SGCZ: variants seen among roughly 807,000 people sequenced by gnomAD.
SGCZ encodes sarcoglycan zeta.
Under a neutral mutation model 41.3 loss-of-function variants are expected in SGCZ, and 40 were observed. That is an observed-to-expected ratio of 0.97 (90% CI 0.75 to 1.26). The LOEUF (loss-of-function observed/expected upper bound fraction) is 1.26. SGCZ is among the 50% of genes most tolerant of loss of function. The pLI is 0.00. For synonymous variants in SGCZ, 206 were observed against 137.5 expected (o/e 1.50, Z -3.49); for missense variants, 552 against 369.8 (o/e 1.49, Z -4.04).
At chr8:14,880,001 C>T (rs529682203) in intron 1 of SGCZ, among the ~76,000 whole-genome samples, 13 of 152,068 alleles carry the variant, frequency 8.5e-5, no homozygotes, top group Admixed American at 2.6e-4. Flanking sequence ...CCACCACACC[C>T]GGCTAAGTTT....
At position 14,546,749 on chromosome 8, in the gene SGCZ, G is replaced by T. The variant is rs139787321; in HGVS notation, c.234+7983C>A. On this transcript the variant is annotated intron_variant, in intron 2 of 7. Transcript: ENST00000382080. ...TAATGGTGTTATATGAAAGCACGGAGTTATACCATGTAAAGGAAGTAAACC... is the reference window on the plus strand; with the variant it reads ...TAATGGTGTTATATGAAAGCACGGATTTATACCATGTAAAGGAAGTAAACC... 5.2e-4 allele frequency among the ~76,000 whole-genome samples: 79 copies of T among 152,218 alleles called. No individual in the cohort carries two copies. The East Asian group carries it at 0.015, about 28-fold the overall frequency.
chr8:14,576,224 G>A (rs923511178), intron 1 of SGCZ, among the ~76,000 whole-genome samples: 3 of 152,036 alleles, frequency 2.0e-5, no homozygotes, highest in Non-Finnish European at 4.4e-5. Context: ...TGTCTATGTC[G>A]GCATATTGAA....
intron 2 of SGCZ, among the ~76,000 whole-genome samples, chr8:14,406,854 A>C (rs1199600547): frequency 6.6e-6 from 1 of 152,096 alleles, no homozygotes; most frequent in Non-Finnish European, 1.5e-5. Flanking sequence ...GTTCTGTGAA[A>C]ACTGCGTATA....
Position 15,075,770 on chromosome 8 carries a change from T to G in SGCZ, c.39+161815A>C, listed in dbSNP as rs541676247. ...TGCCAAAGAGACAAATCCTTCTAATTTTTCACATATATTGGTAATTTGAGA... is the reference window on the plus strand; with the variant it reads ...TGCCAAAGAGACAAATCCTTCTAATGTTTCACATATATTGGTAATTTGAGA... On this transcript the variant is annotated intron_variant, in intron 1 of 7. Transcript: ENST00000382080. Among the ~76,000 whole-genome samples, 10 of 152,296 alleles carry G rather than the reference T, an allele frequency of 6.6e-5. 1 individual carries two copies. In the South Asian group the frequency reaches 2.1e-3, roughly 32 times the overall value.
chr8:14,427,068 G>GAA (rs1799806573), intron 2 of SGCZ, among the ~76,000 whole-genome samples: 7 of 90,646 alleles, frequency 7.7e-5, no homozygotes, highest in East Asian at 2.3e-4. Flanking sequence ...GAATGAATGA[G>GAA]TGAATGAACG....
intron 2 of SGCZ, among the ~76,000 whole-genome samples, chr8:14,436,002 A>C (rs1175934267): frequency 1.3e-5 from 2 of 152,226 alleles, no homozygotes; most frequent in African/African-American, 4.8e-5. Context: ...GGGGAAACAT[A>C]AAGGAAGTAG....
At chr8:14,481,150 A>T (rs1801524751) in intron 2 of SGCZ, among the ~76,000 whole-genome samples, 2 of 151,572 alleles carry the variant, frequency 1.3e-5, no homozygotes, top group South Asian at 4.1e-4. Flanking sequence ...CAAATGATAC[A>T]CACATTATAC....
At chr8:14,478,894 G>A (rs989683268) in intron 2 of SGCZ, among the ~76,000 whole-genome samples, 3 of 151,150 alleles carry the variant, frequency 2.0e-5, no homozygotes, top group Admixed American at 6.6e-5. Context: ...ATCTCTGGTC[G>A]CTACATCTGC....
At chr8:15,182,615 T>C (rs575491412) in intron 1 of SGCZ, among the ~76,000 whole-genome samples, 2 of 152,266 alleles carry the variant, frequency 1.3e-5, no homozygotes, top group South Asian at 2.1e-4. Flanking sequence ...TTACCATGAA[T>C]GGAGCTTGCA....
chr8:14,440,759 GTATATGTA>G (rs1331075721), intron 2 of SGCZ, among the ~76,000 whole-genome samples: 3 of 114,228 alleles, frequency 2.6e-5, no homozygotes, highest in Admixed American at 8.5e-5. Flanking sequence ...ACGTATACAC[GTATATGTA>G]TATATGTATA....
At chr8:14,929,769 C>A (rs1799873240) in intron 1 of SGCZ, among the ~76,000 whole-genome samples, 1 of 151,812 alleles carries the variant, frequency 6.6e-6, no homozygotes. Context: ...CTTTATTGCC[C>A]AGAAACAGAT....
chr8:14,885,148 T>C (rs1467017158), intron 1 of SGCZ, among the ~76,000 whole-genome samples: 2 of 152,206 alleles, frequency 1.3e-5, no homozygotes, highest in Admixed American at 6.5e-5. Flanking sequence ...TGAATATTTC[T>C]GCTTTGTATC....
intron 2 of SGCZ, among the ~76,000 whole-genome samples, chr8:14,486,168 T>C (rs547223899): frequency 1.3e-5 from 2 of 152,204 alleles, no homozygotes; most frequent in Admixed American, 1.3e-4. Flanking sequence ...ACAATAAATA[T>C]AGCCACACTA....
intron 1 of SGCZ, among the ~76,000 whole-genome samples, chr8:15,101,690 C>T (rs76732308): frequency 0.011 from 1,683 of 152,134 alleles, 29 homozygotes; most frequent in African/African-American, 0.038. Context: ...CAGCACTTTG[C>T]GAGGATGAGG....
chr8:14,875,615 G>T (rs1053231037), intron 1 of SGCZ, among the ~76,000 whole-genome samples: 1 of 152,094 alleles, frequency 6.6e-6, no homozygotes, highest in Non-Finnish European at 1.5e-5. Flanking sequence ...TTGGACTGTG[G>T]TTTTCTCATC....
At chr8:14,710,115 C>T (rs1809466036) in intron 1 of SGCZ, among the ~76,000 whole-genome samples, 5 of 151,942 alleles carry the variant, frequency 3.3e-5, no homozygotes, top group Admixed American at 3.3e-4. Flanking sequence ...GCCTGTAATC[C>T]CAGCACTCTG....
In SGCZ at chr8:14,939,598, A is replaced by G. The variant is rs190695293; in HGVS notation, c.39+297987T>C. 3.4e-3 allele frequency among the ~76,000 whole-genome samples: 513 copies of G among 152,314 alleles called. 2 individuals are homozygous for G. The highest frequency in any genetic ancestry group is 7.1e-3 in the Admixed American group (109 of 15,292). On this transcript the variant is annotated intron_variant, in intron 1 of 7. Transcript: ENST00000382080. The stretch of plus-strand genomic sequence containing the variant: ...ATCAAAGAAATGATATTTTAAAATG[A>G]AAAAGAGAGTGGATGTCATCTCAGA...
At chr8:14,686,516 A>T (rs1808616229) in intron 1 of SGCZ, among the ~76,000 whole-genome samples, 2 of 152,120 alleles carry the variant, frequency 1.3e-5, no homozygotes, top group African/African-American at 2.4e-5. Flanking sequence ...TAAATTGGTC[A>T]CTAAGGCATA....
At chr8:14,881,287 C>T (rs946413196) in intron 1 of SGCZ, among the ~76,000 whole-genome samples, 1 of 152,014 alleles carries the variant, frequency 6.6e-6, no homozygotes, top group Non-Finnish European at 1.5e-5. Context: ...AGTGCATACA[C>T]CCTATTTTAT....
Sources: allele counts gnomAD v4.1 joint callset (sites outside exome capture counted in the v4.1 genomes callset), GRCh38; gene constraint gnomAD v4.1.1; transcripts MANE v1.5; gene names NCBI Gene and HGNC (gene_info 2026-07-23, HGNC 2026-07-21).